Variants in NT5DC3 observed in about 807,000 individuals in gnomAD.
NT5DC3 encodes the protein 5'-nucleotidase domain containing 3.
Under a neutral mutation model 67.8 loss-of-function variants are expected in NT5DC3, and 42 were observed. The ratio of observed to expected loss-of-function variants is 0.62; its 90% CI spans 0.48 to 0.80. NT5DC3 has a LOEUF of 0.80. Ranked by LOEUF, NT5DC3 falls within the 30% of genes least tolerant of loss-of-function variation. The pLI, the probability that NT5DC3 is intolerant of heterozygous loss-of-function variation, is 0.00. For missense variants in NT5DC3, 570 were observed against 696.4 expected (o/e 0.82, Z 2.04); for synonymous variants, 237 against 255.6 (o/e 0.93, Z 0.69).
chr12:103,753,400 C>T, the NT5DC3 span: 93 of 1,612,368 alleles, frequency 5.8e-5, no homozygotes, highest in African/African-American at 4.9e-4. Context: ...TCTGCAGGGG[C>T]GGAAGTGCAG....
downstream of NT5DC3, chr12:103,771,149 A>G (rs935901634): frequency 3.3e-5 from 5 of 152,250 alleles, no homozygotes; most frequent in Non-Finnish European, 7.3e-5. Context: ...ACGTGTGTCT[A>G]TATAATCTTC....
At chr12:103,799,002 AGCT>A (rs1397332621) in intron 4 of NT5DC3, among the ~76,000 whole-genome samples, 1 of 152,126 alleles carries the variant, frequency 6.6e-6, no homozygotes, top group Non-Finnish European at 1.5e-5. Context: ...TCCCATTTCC[AGCT>A]GAGGTAACTG....
chr12:103,761,622 C>T, the NT5DC3 span, among the ~76,000 whole-genome samples: 3 of 152,074 alleles, frequency 2.0e-5, no homozygotes, highest in African/African-American at 7.2e-5. Flanking sequence ...CAGCACCAGT[C>T]ACCATTAATA....
At chr12:103,764,068 C>T in the NT5DC3 span, among the ~76,000 whole-genome samples, 628 of 152,088 alleles carry the variant, frequency 4.1e-3, 4 homozygotes, top group Non-Finnish European at 5.5e-3. Flanking sequence ...TCATTGCAAC[C>T]TCTGCCTCCC....
chr12:103,746,739 A>G, the NT5DC3 span: 950,045 of 1,601,976 alleles, frequency 0.59, 286,192 homozygotes, highest in African/African-American at 0.8. Context: ...AAATAGCAGC[A>G]TGGTGTGGGA....
chr12:103,783,055 G>A (rs1031347681), intron 12 of NT5DC3, among the ~76,000 whole-genome samples: 6 of 152,066 alleles, frequency 3.9e-5, no homozygotes, highest in Non-Finnish European at 8.8e-5. Flanking sequence ...CCCAATCTCA[G>A]AGGACCAATT....
intron 1 of NT5DC3, among the ~76,000 whole-genome samples, chr12:103,823,000 A>C (rs17034633): frequency 0.052 from 7,841 of 152,228 alleles, 467 homozygotes; most frequent in East Asian, 0.18. Flanking sequence ...ATGATCAGAG[A>C]AGGTGAGATA....
intron 1 of NT5DC3, among the ~76,000 whole-genome samples, chr12:103,834,423 GAAA>G (rs1051147158): frequency 7.9e-5 from 12 of 152,232 alleles, no homozygotes; most frequent in African/African-American, 2.9e-4. Flanking sequence ...TCAAAAACAG[GAAA>G]AAGTCTGAGA....
chr12:103,798,960 C>G (rs368848607), intron 4 of NT5DC3, among the ~76,000 whole-genome samples: 2 of 152,246 alleles, frequency 1.3e-5, no homozygotes, highest in East Asian at 3.9e-4. Flanking sequence ...CTGTAATTCT[C>G]AACAATCCTA....
chr12:103,779,795 CCAAACTTTTCTTATGG>C (rs1885472422), intron 13 of NT5DC3, among the ~76,000 whole-genome samples: 1 of 152,314 alleles, frequency 6.6e-6, no homozygotes, highest in East Asian at 1.9e-4. Flanking sequence ...CAGACACCCA[CCAAACTTTTCTTATGG>C]CAGGCAGGCT....
chr12:103,836,622 G>A (rs1173559792), intron 1 of NT5DC3, among the ~76,000 whole-genome samples: 2 of 152,142 alleles, frequency 1.3e-5, no homozygotes, highest in African/African-American at 4.8e-5. Context: ...GAGGAGTACT[G>A]GTTATATACT....
At chr12:103,765,428 T>G in the NT5DC3 span, among the ~76,000 whole-genome samples, 1 of 152,176 alleles carries the variant, frequency 6.6e-6, no homozygotes, top group South Asian at 2.1e-4. Flanking sequence ...TTTGACACTA[T>G]TTTTAGTGAC....
chr12:103,807,166 G>A (rs560767530), intron 2 of NT5DC3, among the ~76,000 whole-genome samples: 4 of 152,000 alleles, frequency 2.6e-5, no homozygotes, highest in South Asian at 4.2e-4. Flanking sequence ...GCACAGGCTG[G>A]GCCTCATTCT....
the NT5DC3 span, chr12:103,759,169 A>C: frequency 6.2e-7 from 1 of 1,614,160 alleles, no homozygotes; most frequent in Non-Finnish European, 8.5e-7. Flanking sequence ...CCACCTCGCC[A>C]ATGTCAGCAT....
Position 103,787,545 on chromosome 12 carries a change from T to A in NT5DC3, c.1102-18A>T, listed in dbSNP as rs767235829. The stretch of plus-strand genomic sequence containing the variant: ...AAATTACCCTGTAATCAGAGAAAAC[T>A]ATAGTTATTATTATTACAGATAGAG... On this transcript the variant is annotated intron_variant, in intron 10 of 13. Transcript: ENST00000392876. 5 of 1,363,920 alleles carry A rather than the reference T, an allele frequency of 3.7e-6. No individual in the cohort carries two copies. In the South Asian group the frequency reaches 5.1e-5, roughly 14 times the overall value. 84.5% of individuals were successfully genotyped at this position (1,363,920 alleles called of 1,614,324 possible).
At chr12:103,828,534 C>T (rs1192131349) in intron 1 of NT5DC3, among the ~76,000 whole-genome samples, 1 of 152,128 alleles carries the variant, frequency 6.6e-6, no homozygotes, top group East Asian at 1.9e-4. Context: ...CCTGCTATTT[C>T]TAAGACATAA....
intron 1 of NT5DC3, among the ~76,000 whole-genome samples, chr12:103,834,460 G>C (rs370312520): frequency 6.6e-5 from 10 of 152,240 alleles, no homozygotes; most frequent in Non-Finnish European, 1.2e-4. Flanking sequence ...TAAAGAAGCC[G>C]AACAGACACG....
chr12:103,781,259 C>T (rs772280978), intron 12 of NT5DC3, among the ~76,000 whole-genome samples: 2 of 152,182 alleles, frequency 1.3e-5, no homozygotes, highest in East Asian at 1.9e-4. Context: ...AAACACCAAG[C>T]GGGCAAACCA....
chr12:103,755,421 A>G, the NT5DC3 span: 12 of 1,614,066 alleles, frequency 7.4e-6, no homozygotes, highest in Non-Finnish European at 9.3e-6. Context: ...ATGGACCTAG[A>G]CCCAACAAGA....
Sources: gnomAD v4.1 joint callset for allele counts (sites outside exome capture counted in the v4.1 genomes callset) on GRCh38, gnomAD v4.1.1 for gene constraint, MANE v1.5 for transcripts, NCBI Gene and HGNC (gene_info 2026-07-23, HGNC 2026-07-21) for gene names.